GSDME: variants seen among roughly 807,000 people sequenced by gnomAD.
GSDME encodes gasdermin-E.
GSDME carries 44 observed loss-of-function variants against 47.5 expected under a neutral mutation model. That is an observed-to-expected ratio of 0.93 (90% CI 0.73 to 1.19). The LOEUF (loss-of-function observed/expected upper bound fraction) is 1.19. GSDME is among the 50% of genes most tolerant of loss of function. The pLI is 0.00. For synonymous variants in GSDME, 258 were observed against 252.8 expected (o/e 1.02, Z -0.20); for missense variants, 663 against 604.2 (o/e 1.10, Z -1.02).
rs538523024 is a variant in GSDME at position 24,726,746 on chromosome 7, G to A, written c.405-7528C>T. Among the ~76,000 whole-genome samples, 1 of 151,142 alleles carries A rather than the reference G, an allele frequency of 6.6e-6. No homozygotes were observed. The highest frequency in any genetic ancestry group is 2.4e-5 in the African/African-American group (1 of 41,078). ...GGCGTTAACCCGGGAGGTGGAACTT[G>A]CAGTGAGCCGAGATCGCCCACTGCA... is the stretch of plus-strand genomic sequence containing the variant. On this transcript the variant is annotated intron_variant, in intron 3 of 9. Coordinates refer to ENST00000645220, the MANE Select transcript of GSDME (RefSeq NM_001127453.2). The surrounding 1 kb of genome is among the most constrained non-coding windows in gnomAD (Gnocchi z 5.6).
In GSDME at chr7:24,725,911, A is replaced by G. The variant is rs1393174666; in HGVS notation, c.405-6693T>C. The stretch of plus-strand genomic sequence containing the variant: ...GTGGACCCTCAAAGCAATTAAGAGC[A>G]TGGCTCCATGGACACAGGACAGGAG... On this transcript the variant is annotated intron_variant, in intron 3 of 9. Coordinates refer to ENST00000645220, the MANE Select transcript of GSDME (RefSeq NM_001127453.2). The surrounding 1 kb of genome is among the most constrained non-coding windows in gnomAD (Gnocchi z 5.1). Among the ~76,000 whole-genome samples, 6 of 152,200 alleles carry G rather than the reference A, an allele frequency of 3.9e-5. No homozygotes were observed. The highest frequency in any genetic ancestry group is 2.0e-4 in the Admixed American group (3 of 15,286).
Position 24,735,804 on chromosome 7 carries a change from T to A in GSDME, c.404+8758A>T, listed in dbSNP as rs1052606452. On this transcript the variant is annotated intron_variant, in intron 3 of 9. Transcript: ENST00000645220. The surrounding 1 kb of genome is among the most constrained non-coding windows in gnomAD (Gnocchi z 4.4). ...ATAAATAAATAAATAAATAAATAAATAAAACTACAAAAACTTTTCAAGACA... is the reference window on the plus strand; with the variant it reads ...ATAAATAAATAAATAAATAAATAAAAAAAACTACAAAAACTTTTCAAGACA... Among the ~76,000 whole-genome samples, 3 of 130,978 alleles carry A rather than the reference T, an allele frequency of 2.3e-5. No individual in the cohort carries two copies. Among genetic ancestry groups the A allele is most frequent in the African/African-American group, 8.4e-5 (3 of 35,878 alleles). 85.9% of individuals were successfully genotyped at this position (130,978 alleles called of 152,430 possible).
chr7:24,780,453 A>G, the GSDME span, among the ~76,000 whole-genome samples: 7 of 152,236 alleles, frequency 4.6e-5, no homozygotes, highest in South Asian at 2.1e-4. This position sits in a 1 kb window ranked among gnomAD's most constrained non-coding sequence, Gnocchi z 4.1. Context: ...ACCAAGAAAC[A>G]TAACATCCAA....
upstream of GSDME, chr7:24,757,793 G>T (rs1369832521): frequency 6.6e-6 from 1 of 152,402 alleles, no homozygotes; most frequent in African/African-American, 2.4e-5. This position sits in a 1 kb window ranked among gnomAD's most constrained non-coding sequence, Gnocchi z 5.9. Flanking sequence ...GGACCGTGGG[G>T]TTTGAGAGCG....
chr7:24,705,979 G>A lies in GSDME; in HGVS notation c.1183+205C>T, dbSNP rs1789080460. On this transcript the variant is annotated intron_variant, in intron 8 of 9. Coordinates refer to ENST00000645220, the MANE Select transcript of GSDME (RefSeq NM_001127453.2). This position sits in a 1 kb window ranked among gnomAD's most constrained non-coding sequence, Gnocchi z 4.1. Reference sequence around the variant, plus strand: ...GCCCTCCGGGAGAGTAGGGAGGCTTGTGCTGGATGGAAAGGCACAGACTCG... The same window carrying A: ...GCCCTCCGGGAGAGTAGGGAGGCTTATGCTGGATGGAAAGGCACAGACTCG... 3.0e-6 allele frequency: 2 copies of A among 669,446 alleles called. No homozygotes were observed. The highest frequency in any genetic ancestry group is 5.3e-6 in the Non-Finnish European group (2 of 380,352). The allele number at this position is 669,446 out of a possible 1,614,324, so 41.5% of individuals were successfully genotyped here. A position where few individuals can be genotyped will look rare whatever the true frequency, so the allele number is the denominator to read the frequency against.
chr7:24,702,433 C>G (rs1009062251), intron 9 of GSDME: 10 of 361,656 alleles, frequency 2.8e-5, no homozygotes, highest in African/African-American at 1.7e-4. Flanking sequence ...AATATGGTGT[C>G]AGGCCCCTTT....
chr7:24,713,535 G>A (rs2721813), intron 5 of GSDME, among the ~76,000 whole-genome samples: 38 of 152,206 alleles, frequency 2.5e-4, no homozygotes, highest in Admixed American at 7.2e-4. Context: ...CAGAGAGCAC[G>A]CCCAGAGAGA....
At chr7:24,707,820 C>G (rs1789177516) in intron 7 of GSDME, 6 of 540,102 alleles carry the variant, frequency 1.1e-5, no homozygotes, top group Middle Eastern at 4.8e-4. Flanking sequence ...CCTAGATCCT[C>G]TGGGGGAAGT....
chr7:24,780,688 G>C, the GSDME span, among the ~76,000 whole-genome samples: 1 of 152,222 alleles, frequency 6.6e-6, no homozygotes, highest in Non-Finnish European at 1.5e-5. This position sits in a 1 kb window ranked among gnomAD's most constrained non-coding sequence, Gnocchi z 4.1. Context: ...AATATTCACA[G>C]GTGGTTACGC....
At chr7:24,718,272 G>C (rs1789643560) in intron 4 of GSDME, among the ~76,000 whole-genome samples, 1 of 152,202 alleles carries the variant, frequency 6.6e-6, no homozygotes, top group Non-Finnish European at 1.5e-5. Flanking sequence ...AAAGCCAAAA[G>C]TCATCCCAAG....
the GSDME span, among the ~76,000 whole-genome samples, chr7:24,775,874 CAAAAAAAAAA>C: frequency 3.2e-5 from 1 of 31,396 alleles, no homozygotes; most frequent in African/African-American, 1.4e-4. Flanking sequence ...GATTCCATCT[CAAAAAAAAAA>C]AAAAAAAAAA....
At chr7:24,746,564 A>C (rs1166794598) in intron 2 of GSDME, among the ~76,000 whole-genome samples, 1 of 152,222 alleles carries the variant, frequency 6.6e-6, no homozygotes, top group Non-Finnish European at 1.5e-5. Context: ...TAGGTTCTAC[A>C]AAGTACAGCA....
rs1231734532 is a variant in GSDME, at chr7:24,732,077, AAC to A, written c.404+12483_404+12484del. ...CAGTTACACCTGCCCTGGAAGGAGA[AAC>A]ACAGCAAAAAGAGAATCAGCGACAG... On this transcript the variant is annotated intron_variant, in intron 3 of 9. Transcript: ENST00000645220. The surrounding 1 kb of genome is among the most constrained non-coding windows in gnomAD (Gnocchi z 4.8). 1.3e-5 allele frequency among the ~76,000 whole-genome samples: 2 copies of A among 152,226 alleles called. No individual in the cohort carries two copies. Among genetic ancestry groups the A allele is most frequent in the Non-Finnish European group, 2.9e-5 (2 of 68,030 alleles).
rs1011612030 is a variant in GSDME at position 24,756,392 on chromosome 7, T to C, written c.-20+1004A>G. 4.6e-5 allele frequency among the ~76,000 whole-genome samples: 7 copies of C among 152,264 alleles called. No homozygotes were observed. Among genetic ancestry groups the C allele is most frequent in the African/African-American group, 1.7e-4 (7 of 41,554 alleles). ...AACAAAGAACCTAGCCAAGGGACCG[T>C]GGCTAGGGGGTTGGGCCCTTTCTCT... On this transcript the variant is annotated intron_variant, in intron 1 of 9. Transcript: ENST00000645220. The surrounding 1 kb of genome is among the most constrained non-coding windows in gnomAD (Gnocchi z 4.2).
chr7:24,706,507 TC>T (rs1411357884), intron 7 of GSDME, 131 bp from the exon 8 acceptor site: 7 of 831,724 alleles, frequency 8.4e-6, no homozygotes, highest in Non-Finnish European at 1.3e-5. Context: ...CCGCAGCTCT[TC>T]TCTACGTTCT....
intron 3 of GSDME, among the ~76,000 whole-genome samples, chr7:24,719,994 A>G (rs150836607): frequency 2.0e-5 from 3 of 152,344 alleles, no homozygotes; most frequent in African/African-American, 4.8e-5. Context: ...GGCCTAAAGT[A>G]TGAGTAGCAA....
intron 3 of GSDME, among the ~76,000 whole-genome samples, chr7:24,743,645 C>T (rs376970667): frequency 6.6e-6 from 1 of 152,182 alleles, no homozygotes; most frequent in Non-Finnish European, 1.5e-5. Context: ...CCCTTTCAGC[C>T]CCTCCGACTC....
intron 3 of GSDME, 143 bp from the exon 4 acceptor site, chr7:24,719,361 C>G: frequency 1.1e-6 from 1 of 921,572 alleles, no homozygotes; most frequent in Non-Finnish European, 1.7e-6. Context: ...AAAGGGGTGG[C>G]AGGTCACCTG....
At chr7:24,710,145 C>T (rs1285821265) in intron 6 of GSDME, 79 bp downstream of exon 6, 2 of 1,489,038 alleles carry the variant, frequency 1.3e-6, no homozygotes, top group African/African-American at 2.8e-5. Context: ...GTCACTGATG[C>T]TGAAGGCCAC....
Sources: gnomAD v4.1 joint callset for allele counts (sites outside exome capture counted in the v4.1 genomes callset) on GRCh38, gnomAD v4.1.1 for gene constraint, Gnocchi (gnomAD v3.1) non-coding constraint, MANE v1.5 for transcripts, NCBI Gene and HGNC (gene_info 2026-07-23, HGNC 2026-07-21) for gene names.